Variants in HMGCS1 observed in about 807,000 individuals in gnomAD.
The protein encoded by HMGCS1 is 3-hydroxy-3-methylglutaryl-CoA synthase 1, also known as hydroxymethylglutaryl-CoA synthase, cytoplasmic.
In HMGCS1, 9 loss-of-function variants were observed where a neutral mutation model predicts 52.3. That is an observed-to-expected ratio of 0.17 (90% CI 0.10 to 0.30). The LOEUF is 0.30. HMGCS1 is among the 10% of genes least tolerant of loss of function. The pLI, the probability that HMGCS1 is intolerant of heterozygous loss-of-function variation, is 1.00. For missense variants in HMGCS1, 320 were observed against 620.9 expected, an observed-to-expected ratio of 0.52 and a Z score of 5.15; for synonymous variants, 176 against 214.4, an observed-to-expected ratio of 0.82 and a Z score of 1.57.
At chr5:43,292,199 G>C (rs1287002094) in intron 10 of HMGCS1, among the ~76,000 whole-genome samples, 1 of 151,864 alleles carries the variant, frequency 6.6e-6, no homozygotes, top group Non-Finnish European at 1.5e-5. Flanking sequence ...CACCATGTTG[G>C]ACAGGATGGT....
At chr5:43,302,996 T>C (rs1257115742) in intron 2 of HMGCS1, among the ~76,000 whole-genome samples, 2 of 152,232 alleles carry the variant, frequency 1.3e-5, no homozygotes, top group East Asian at 1.9e-4. Context: ...TTCCATCTTA[T>C]TGAATGTGCA....
chr5:43,310,393 C>T (rs1255618280), intron 1 of HMGCS1, among the ~76,000 whole-genome samples: 1 of 152,206 alleles, frequency 6.6e-6, no homozygotes, highest in African/African-American at 2.4e-5. Flanking sequence ...ATAGCCTACT[C>T]TCTATGGAAA....
intron 2 of HMGCS1, among the ~76,000 whole-genome samples, chr5:43,306,106 T>A (rs1198630794): frequency 1.3e-5 from 2 of 152,178 alleles, no homozygotes; most frequent in Admixed American, 1.3e-4. Context: ...AGGACTAAAG[T>A]CTTAAATAAG....
intron 4 of HMGCS1, among the ~76,000 whole-genome samples, 168 bp from the exon 5 acceptor site, chr5:43,297,334 A>G (rs567154342): frequency 2.0e-5 from 3 of 152,338 alleles, no homozygotes; most frequent in Non-Finnish European, 2.9e-5. Context: ...ATGATACATA[A>G]CAGTATCCAT....
At chr5:43,295,575 T>C (rs1258796110) in intron 6 of HMGCS1, among the ~76,000 whole-genome samples, 177 bp downstream of exon 6, 1 of 152,226 alleles carries the variant, frequency 6.6e-6, no homozygotes, top group East Asian at 1.9e-4. Context: ...AATTTGTGCA[T>C]GTTAACTACC....
chr5:43,295,376 G>A (rs1753980483), intron 6 of HMGCS1, among the ~76,000 whole-genome samples: 1 of 152,168 alleles, frequency 6.6e-6, no homozygotes, highest in Non-Finnish European at 1.5e-5. Context: ...GACAGGTGGA[G>A]TACAAAAGCT....
At chr5:43,305,831 CAA>C (rs756371113) in intron 2 of HMGCS1, among the ~76,000 whole-genome samples, 5 of 147,340 alleles carry the variant, frequency 3.4e-5, no homozygotes, top group Non-Finnish European at 6.0e-5. Context: ...AGATAAATCA[CAA>C]AAACTTTCAA....
intron 2 of HMGCS1, among the ~76,000 whole-genome samples, chr5:43,299,735 A>T (rs1188664822): frequency 6.6e-6 from 1 of 152,162 alleles, no homozygotes; most frequent in African/African-American, 2.4e-5. Flanking sequence ...GTCCTCTTTT[A>T]AAAAAGGGAC....
rs1753671218 is a variant in HMGCS1, at chr5:43,290,045, G to A, written c.*1086C>T. On this transcript the variant is annotated 3_prime_UTR_variant, in exon 11 of 11. Coordinates refer to ENST00000325110, the MANE Select transcript of HMGCS1 (RefSeq NM_001098272.3). ...CCTTGAAGTGGAATACTTCTAGTCA[G>A]ACTAGGTAAAAACTTGGGTCATACC... 6.8e-6 allele frequency: 1 copy of A among 146,146 alleles called. No individual in the cohort carries two copies. Among genetic ancestry groups the A allele is most frequent in the Non-Finnish European group, 1.5e-5 (1 of 66,860 alleles). The allele number at this position is 146,146 out of a possible 1,614,324, so 9.1% of individuals were successfully genotyped here. A position where few individuals can be genotyped will look rare whatever the true frequency, so the allele number is the denominator to read the frequency against.
Position 43,298,263 on chromosome 5 carries a change from AT to A in HMGCS1, c.449-130del, listed in dbSNP as rs376267632. ...TTTGATAAAGAAAGAAAATGCTCTA[AT>A]TTTTTTTTAAAATTCATCTGCCAAG... On this transcript the variant is annotated intron_variant, in intron 3 of 10. Transcript: ENST00000325110. The surrounding 1 kb of genome is among the most constrained non-coding windows in gnomAD (Gnocchi z 5.6). 2.4e-4 allele frequency: 215 copies of A among 882,468 alleles called. No homozygotes were observed. The highest frequency in any genetic ancestry group is 3.0e-4 in the Non-Finnish European group (177 of 596,882). The allele number at this position is 882,468 out of a possible 1,614,324, so 54.7% of individuals were successfully genotyped here.
chr5:43,293,061 A>C, intron 8 of HMGCS1, 88 bp from the exon 9 acceptor site: 1 of 1,091,836 alleles, frequency 9.2e-7, no homozygotes, highest in Non-Finnish European at 1.3e-6. Context: ...CAAATGAGGC[A>C]AAACAACTTT....
intron 7 of HMGCS1, 83 bp from the exon 8 acceptor site, chr5:43,294,245 AT>A: frequency 1.2e-6 from 1 of 825,860 alleles, no homozygotes; most frequent in Non-Finnish European, 2.0e-6. Flanking sequence ...AGCAATAAAA[AT>A]TTAGGCTATA....
chr5:43,288,772 C>T lies in HMGCS1; in HGVS notation c.*2359G>A, dbSNP rs2111601234. On this transcript the variant is annotated 3_prime_UTR_variant, in exon 11 of 11. Coordinates refer to ENST00000325110, the MANE Select transcript of HMGCS1 (RefSeq NM_001098272.3). ...GACTAAGTATGAAAGCCAGACATGA[C>T]ATGATGATAAAATATGAGCTGATCA... 1 of 152,246 alleles carries T rather than the reference C, an allele frequency of 6.6e-6. No homozygotes were observed. Among genetic ancestry groups the T allele is most frequent in the Admixed American group, 6.5e-5 (1 of 15,276 alleles). 9.4% of individuals were successfully genotyped at this position (152,246 alleles called of 1,614,324 possible).
intron 7 of HMGCS1, chr5:43,294,392 T>C: frequency 3.8e-6 from 2 of 521,430 alleles, no homozygotes; most frequent in South Asian, 5.5e-5. Context: ...CTTGTGAAAG[T>C]CATGCCACAA....
At chr5:43,299,085 A>C in intron 2 of HMGCS1, 110 bp from the exon 3 acceptor site, 1 of 731,924 alleles carries the variant, frequency 1.4e-6, no homozygotes, top group Non-Finnish European at 2.2e-6. Flanking sequence ...CTGAAGTATT[A>C]GTTTCTTTAA....
chr5:43,298,375 A>G lies in HMGCS1; in HGVS notation c.448+143T>C. On this transcript the variant is annotated intron_variant, in intron 3 of 10. Coordinates refer to ENST00000325110, the MANE Select transcript of HMGCS1 (RefSeq NM_001098272.3). This position sits in a 1 kb window ranked among gnomAD's most constrained non-coding sequence, Gnocchi z 5.6. ...CAATTCACAATTCGGATAATGACAG[A>G]CAGGTAAAATATCTTTCTTAATATA... The G allele has an allele frequency of 1.5e-6, 1 of 685,714 alleles. No individual in the cohort carries two copies. The highest frequency in any genetic ancestry group is 2.0e-5 in the South Asian group (1 of 50,930). 42.5% of individuals were successfully genotyped at this position (685,714 alleles called of 1,614,324 possible). A position where few individuals can be genotyped will look rare whatever the true frequency, so the allele number is the denominator to read the frequency against.
chr5:43,298,138 A>C lies in HMGCS1; in HGVS notation c.449-4T>G, dbSNP rs1430479235. The C allele has an allele frequency of 6.3e-7, 1 of 1,599,576 alleles. No individual in the cohort carries two copies. The highest frequency in any genetic ancestry group is 2.2e-5 in the East Asian group (1 of 44,588). On this transcript the variant is annotated splice_polypyrimidine_tract_variant and splice_region_variant and intron_variant, in intron 3 of 10. Coordinates refer to ENST00000325110, the MANE Select transcript of HMGCS1 (RefSeq NM_001098272.3). This position sits in a 1 kb window ranked among gnomAD's most constrained non-coding sequence, Gnocchi z 5.6. ...GCAACTACCAGGGCATACCGTCCTG[A>C]AAAATATTTTTTGTTATTTCACAAG...
In HMGCS1 at chr5:43,294,291, T is replaced by A. The variant is rs191576185; in HGVS notation, c.1077-129A>T. 261 of 639,694 alleles carry A rather than the reference T, an allele frequency of 4.1e-4. 2 individuals carry two copies. The East Asian group carries it at 7.0e-3, about 17-fold the overall frequency. The allele number at this position is 639,694 out of a possible 1,614,324, so 39.6% of individuals were successfully genotyped here. A position where few individuals can be genotyped will look rare whatever the true frequency, so the allele number is the denominator to read the frequency against. On this transcript the variant is annotated intron_variant, in intron 7 of 10. Coordinates refer to ENST00000325110, the MANE Select transcript of HMGCS1 (RefSeq NM_001098272.3). The stretch of plus-strand genomic sequence containing the variant: ...AGAATCTAACTTAAAGTTTTAAGGA[T>A]CTAACTCAAAGTGTTAATATTGCAG...
At chr5:43,296,039 A>AG in intron 5 of HMGCS1, 122 bp from the exon 6 acceptor site, 1 of 647,982 alleles carries the variant, frequency 1.5e-6, no homozygotes, top group Non-Finnish European at 2.7e-6. Flanking sequence ...TACACTGTAT[A>AG]ATGAAACCTC....
Sources: allele counts gnomAD v4.1 joint callset (sites outside exome capture counted in the v4.1 genomes callset), GRCh38; gene constraint gnomAD v4.1.1; non-coding constraint Gnocchi (gnomAD v3.1); transcripts MANE v1.5; gene names NCBI Gene and HGNC (gene_info 2026-07-23, HGNC 2026-07-21).